Variants in TENM3 observed in about 807,000 individuals in gnomAD.
TENM3 encodes the protein teneurin-3.
TENM3 carries 63 observed loss-of-function variants against 255.1 expected under a neutral mutation model. The observed-to-expected ratio is 0.25, with a 90% CI of 0.20 to 0.30. TENM3 has a LOEUF of 0.30. Among genes scored for constraint, TENM3 ranks in the 10% least tolerant of loss-of-function variants. The pLI, the probability that TENM3 is intolerant of heterozygous loss-of-function variation, is 1.00. For missense variants in TENM3, 2,929 were observed against 3,461.1 expected (o/e 0.85, Z 3.86); for synonymous variants, 1,306 against 1,322.3 (o/e 0.99, Z 0.27).
At chr4:181,847,122 G>A in the TENM3 span, among the ~76,000 whole-genome samples, 1 of 152,128 alleles carries the variant, frequency 6.6e-6, no homozygotes, top group East Asian at 1.9e-4. Flanking sequence ...TACATCAGGA[G>A]GAAATTCATG....
At chr4:182,744,093 C>CTTTTTTTTTT (rs957977132) in intron 19 of TENM3, 80 of 451,812 alleles carry the variant, frequency 1.8e-4, no homozygotes, top group African/African-American at 9.9e-4. Context: ...ACTGTGCTTT[C>CTTTTTTTTTT]TTTTTTTTTT....
At chr4:181,588,115 A>G in the TENM3 span, among the ~76,000 whole-genome samples, 1 of 152,142 alleles carries the variant, frequency 6.6e-6, no homozygotes, top group Non-Finnish European at 1.5e-5. Flanking sequence ...CAGACATGCC[A>G]AGTTGCCCAG....
intron 3 of TENM3, among the ~76,000 whole-genome samples, chr4:182,521,864 C>G (rs953556926): frequency 6.6e-6 from 1 of 152,100 alleles, no homozygotes; most frequent in Admixed American, 6.6e-5. Context: ...TCGTTAGAGT[C>G]AAGATTCTCT....
At chr4:182,645,871 C>T (rs1329304934) in intron 5 of TENM3, among the ~76,000 whole-genome samples, 4 of 152,196 alleles carry the variant, frequency 2.6e-5, no homozygotes, top group Non-Finnish European at 5.9e-5. Context: ...GTAAGCAAGT[C>T]ACTAAATCAA....
chr4:182,744,957 C>T (rs976209778), intron 19 of TENM3, among the ~76,000 whole-genome samples: 7 of 151,320 alleles, frequency 4.6e-5, no homozygotes, highest in Admixed American at 2.0e-4. Flanking sequence ...AAAAAAAAGG[C>T]GGAGGAAACC....
chr4:181,905,978 C>CT, the TENM3 span: 1 of 512,666 alleles, frequency 2.0e-6, no homozygotes, highest in East Asian at 5.1e-5. Flanking sequence ...GTGGTACATA[C>CT]TTTTTTACTC....
intron 16 of TENM3, among the ~76,000 whole-genome samples, chr4:182,733,983 A>G (rs1760977475): frequency 6.6e-6 from 1 of 152,208 alleles, no homozygotes. Context: ...TCGTTCATTC[A>G]TTCATTCATG....
At chr4:181,537,799 CACA>C in the TENM3 span, among the ~76,000 whole-genome samples, 2 of 152,312 alleles carry the variant, frequency 1.3e-5, no homozygotes, top group East Asian at 3.9e-4. Flanking sequence ...GTTAAGGTAA[CACA>C]ACAACTAAAT....
chr4:181,910,289 G>T, the TENM3 span, among the ~76,000 whole-genome samples: 9 of 151,794 alleles, frequency 5.9e-5, no homozygotes, highest in Non-Finnish European at 1.0e-4. Flanking sequence ...TATACAGGCC[G>T]GGTGCAGTGG....
the TENM3 span, among the ~76,000 whole-genome samples, chr4:181,489,602 CTATA>C: frequency 2.6e-5 from 4 of 152,266 alleles, no homozygotes; most frequent in African/African-American, 7.2e-5. Context: ...TGACTACACA[CTATA>C]CCCTATTTCG....
chr4:182,619,561 G>T (rs998464375), intron 4 of TENM3, among the ~76,000 whole-genome samples: 2 of 152,174 alleles, frequency 1.3e-5, no homozygotes, highest in African/African-American at 2.4e-5. Context: ...TGTGCTTAAC[G>T]TAGAGTCATC....
At chr4:181,943,158 G>A in the TENM3 span, among the ~76,000 whole-genome samples, 5 of 152,146 alleles carry the variant, frequency 3.3e-5, no homozygotes, top group African/African-American at 9.7e-5. Context: ...CCTGAAAGTG[G>A]TAGAGTCCCT....
the TENM3 span, among the ~76,000 whole-genome samples, chr4:181,570,060 A>T: frequency 2.8e-3 from 351 of 125,026 alleles, 2 homozygotes; most frequent in African/African-American, 0.011. Context: ...TTTTTTTGAG[A>T]CGGAGTCTCG....
intron 5 of TENM3, among the ~76,000 whole-genome samples, chr4:182,642,993 C>T (rs1752443951): frequency 6.6e-6 from 1 of 152,152 alleles, no homozygotes; most frequent in Non-Finnish European, 1.5e-5. Flanking sequence ...TATATGAACA[C>T]AGCAGGAAAT....
At chr4:181,785,249 C>G in the TENM3 span, among the ~76,000 whole-genome samples, 1 of 152,146 alleles carries the variant, frequency 6.6e-6, no homozygotes, top group Non-Finnish European at 1.5e-5. Context: ...ATTTGTTTAT[C>G]TGAGGCTACA....
chr4:182,727,769 A>G (rs1382644530), intron 13 of TENM3, among the ~76,000 whole-genome samples: 1 of 151,866 alleles, frequency 6.6e-6, no homozygotes, highest in Admixed American at 6.6e-5. Flanking sequence ...TAATACCTCC[A>G]TTTTAGTGAG....
At chr4:182,302,854 C>A (rs1017506076) in intron 1 of TENM3, among the ~76,000 whole-genome samples, 1 of 152,132 alleles carries the variant, frequency 6.6e-6, no homozygotes, top group Non-Finnish European at 1.5e-5. Context: ...GGTATGAAGT[C>A]CTGAGATATC....
intron 3 of TENM3, among the ~76,000 whole-genome samples, chr4:182,557,586 G>T (rs1316165275): frequency 2.0e-5 from 3 of 152,042 alleles, no homozygotes; most frequent in Non-Finnish European, 4.4e-5. Flanking sequence ...GATGAATTTG[G>T]CCCTTGCTCT....
intron 12 of TENM3, among the ~76,000 whole-genome samples, chr4:182,710,942 A>C (rs1758704416): frequency 6.6e-6 from 1 of 152,192 alleles, no homozygotes; most frequent in Admixed American, 6.5e-5. Context: ...CTGTTCCTAC[A>C]CACCTTTTGT....
Sources: gnomAD v4.1 joint callset for allele counts (sites outside exome capture counted in the v4.1 genomes callset) on GRCh38, gnomAD v4.1.1 for gene constraint, MANE v1.5 for transcripts, NCBI Gene and HGNC (gene_info 2026-07-23, HGNC 2026-07-21) for gene names.